Variants in KARS1 observed in about 807,000 individuals in gnomAD.
KARS1 encodes lysyl-tRNA synthetase 1, also known as lysine--tRNA ligase.
In KARS1, 50 loss-of-function variants were observed where a neutral mutation model predicts 63.9. That is an observed-to-expected ratio of 0.78 (90% CI 0.62 to 0.99). The LOEUF (loss-of-function observed/expected upper bound fraction) is 0.99. KARS1 is among the 50% of genes least tolerant of loss of function. The probability of loss-of-function intolerance (pLI) is 0.00; values close to 1 mark genes in which losing one functional copy is unlikely to be tolerated. For synonymous variants in KARS1, 320 were observed against 264.6 expected, an observed-to-expected ratio of 1.21 and a Z score of -2.03; for missense variants, 816 against 754.5, an observed-to-expected ratio of 1.08 and a Z score of -0.95.
chr16:75,644,320 C>T, intron 1 of KARS1: 1 of 1,607,858 alleles, frequency 6.2e-7, no homozygotes, highest in Non-Finnish European at 8.5e-7. Flanking sequence ...TTGTGAGGCG[C>T]TGTGAAAGGA....
intron 1 of KARS1, among the ~76,000 whole-genome samples, chr16:75,643,632 G>A (rs2082248803): frequency 6.6e-6 from 1 of 152,114 alleles, no homozygotes; most frequent in Admixed American, 6.6e-5. Flanking sequence ...GCCTGTCTTG[G>A]CCTCCCAAAG....
intron 3 of KARS1, among the ~76,000 whole-genome samples, chr16:75,638,653 A>G (rs745750813): frequency 2.0e-5 from 3 of 152,258 alleles, no homozygotes; most frequent in Non-Finnish European, 2.9e-5. Context: ...AATGCAGACT[A>G]AGCTATAAGG....
intron 3 of KARS1, among the ~76,000 whole-genome samples, chr16:75,637,420 G>A (rs969997874): frequency 7.2e-5 from 11 of 152,080 alleles, no homozygotes; most frequent in Non-Finnish European, 1.6e-4. Flanking sequence ...CTCACTGGGG[G>A]AGAGCAGCTG....
Position 75,634,091 on chromosome 16 carries a change from T to C in KARS1, c.915+82A>G, listed in dbSNP as rs529170677. The C allele has an allele frequency of 2.9e-4, 427 of 1,462,702 alleles. 1 individual carries two copies. Among genetic ancestry groups the C allele is most frequent in the Admixed American group, 5.5e-4 (33 of 59,514 alleles). The allele number at this position is 1,462,702 out of a possible 1,614,324, so 90.6% of individuals were successfully genotyped here. ...GCTGCTTTACTCTCTCTGTTCCTCT[T>C]ATTTCTGACTATACCCATCTAGCCA... On this transcript the variant is annotated intron_variant, in intron 7 of 13. Transcript: ENST00000302445.
chr16:75,645,621 C>T (rs761130729), intron 1 of KARS1, among the ~76,000 whole-genome samples: 2 of 151,982 alleles, frequency 1.3e-5, no homozygotes, highest in Non-Finnish European at 2.9e-5. Flanking sequence ...TTGAGGCGGA[C>T]GGATCACCTG....
chr16:75,629,475 A>G lies in KARS1; in HGVS notation c.1491T>C (p.Asn497=), dbSNP rs1173843552. 7 of 1,614,064 alleles carry G rather than the reference A, an allele frequency of 4.3e-6. No individual in the cohort carries two copies. The highest frequency in any genetic ancestry group is 5.9e-6 in the Non-Finnish European group (7 of 1,180,024). ...ELFVMKKEIC[N]AYTELNDPMR... ...TGGGATCATTCAGCTCAGTATACGCATTGCATATCTCTTTCTTCATGACAA... is the reference window on the plus strand; with the variant it reads ...TGGGATCATTCAGCTCAGTATACGCGTTGCATATCTCTTTCTTCATGACAA... The change falls in exon 12 of 14, where the codon AAT becomes AAC. Residue 497 remains asparagine (N), a synonymous_variant. Transcript: ENST00000302445.
rs1363276349 is a variant in KARS1 at position 75,636,538 on chromosome 16, T to A, written c.398A>T (p.His133Leu). 7 of 1,606,776 alleles carry A rather than the reference T, an allele frequency of 4.4e-6. No homozygotes were observed. The highest frequency in any genetic ancestry group is 6.0e-6 in the Non-Finnish European group (7 of 1,173,554). The change falls in exon 4 of 14, where the codon CAT (histidine) becomes CTT (leucine). Residue 133 changes from histidine to leucine, a missense_variant. By Grantham distance (99) the His-to-Leu change is moderately conservative. Transcript: ENST00000302445. ...DITLKVAGRI[H>L]AKRASGGKLI... ...CTTTCCCCCAGAAGCTCTTTTGGCATGGATCCTACCTAGAAAAAGAAGAGC... is the reference window on the plus strand; with the variant it reads ...CTTTCCCCCAGAAGCTCTTTTGGCAAGGATCCTACCTAGAAAAAGAAGAGC...
At position 75,647,583 on chromosome 16, in the gene KARS1, G is replaced by C. The variant is rs1597182033; in HGVS notation, c.57C>G (p.Ser19Arg). The C allele has an allele frequency of 6.2e-7, 1 of 1,613,408 alleles. No individual in the cohort carries two copies. Among genetic ancestry groups the C allele is most frequent in the South Asian group, 1.1e-5 (1 of 90,986 alleles). Residue 19 changes from serine (S) to arginine (R), a missense_variant, in exon 1 of 14, where the codon AGC becomes AGG. By Grantham distance (110) the Ser-to-Arg change is moderately radical. Coordinates refer to ENST00000302445, the MANE Select transcript of KARS1 (RefSeq NM_005548.3). ...VKVDGSEPKL[S>R]KNELKRRLKA... ...AGACTCGCAGCGACACTCACTTCTTGCTCAGTTTCGGCTCGCTGCCATCCA... is the reference window on the plus strand; with the variant it reads ...AGACTCGCAGCGACACTCACTTCTTCCTCAGTTTCGGCTCGCTGCCATCCA...
chr16:75,640,266 G>C lies in KARS1; in HGVS notation c.306C>G (p.Asp102Glu). The C allele has an allele frequency of 6.2e-7, 1 of 1,613,164 alleles. No individual in the cohort carries two copies. The highest frequency in any genetic ancestry group is 8.5e-7 in the Non-Finnish European group (1 of 1,179,708). Residue 102 changes from aspartate to glutamate, a missense_variant, in exon 3 of 14, where the codon GAC becomes GAG. Asp to Glu is a conservative substitution (Grantham distance 45). Transcript: ENST00000302445. ...TTTGGATGAAGTCAGTGAGTGAGAT[G>C]TCTACATGGAACTTGTGTGGGTATG... ...EDPYPHKFHV[D>E]ISLTDFIQKY...
intron 1 of KARS1, among the ~76,000 whole-genome samples, chr16:75,644,678 A>C (rs1021179103): frequency 2.0e-4 from 31 of 152,232 alleles, no homozygotes; most frequent in Non-Finnish European, 5.9e-5. Context: ...AAAAACATGC[A>C]TATCTGGGGT....
rs2082157013 is a variant in KARS1 at position 75,635,951 on chromosome 16, C to G, written c.630G>C (p.Leu210Phe). 2 of 1,614,030 alleles carry G rather than the reference C, an allele frequency of 1.2e-6. No individual in the cohort carries two copies. The highest frequency in any genetic ancestry group is 1.3e-5 in the African/African-American group (1 of 74,916). ...CAAAGTGAAGATGAGGTAACATATG[C>G]AAACAGGGAGACAGCAGTGTGATCT... Reference protein sequence around the residue: ...PYEITLLSPCLHMLPHLHFGL... With the variant: ...PYEITLLSPCFHMLPHLHFGL... The change falls in exon 5 of 14, where the codon TTG becomes TTC. Residue 210 changes from leucine (L) to phenylalanine (F), a missense_variant. By Grantham distance (22) the Leu-to-Phe change is conservative. Coordinates refer to ENST00000302445, the MANE Select transcript of KARS1 (RefSeq NM_005548.3).
In KARS1 at chr16:75,647,631, G is replaced by A. The variant is rs749570269; in HGVS notation, c.9C>T (p.Ala3=). The A allele has an allele frequency of 1.8e-5, 29 of 1,613,780 alleles. 1 individual carries two copies. Among genetic ancestry groups the A allele is most frequent in the South Asian group, 1.8e-4 (16 of 91,072 alleles). Residue 3 remains alanine (A), a synonymous_variant, in exon 1 of 14, where the codon GCC becomes GCT. Coordinates refer to ENST00000302445, the MANE Select transcript of KARS1 (RefSeq NM_005548.3). The stretch of plus-strand genomic sequence containing the variant: ...CCACTTTCACCTCGGCCGCCTGCAC[G>A]GCCGCCATCTTCCCGGAGGGCCCGA... MA[A]VQAAEVKVDG... is the part of the protein sequence containing the mutation.
chr16:75,638,889 T>A lies in KARS1; in HGVS notation c.388+1295A>T, dbSNP rs1010160926. ...AACAATTAAAATAAAAAAGATCTGC[T>A]GGGAGCAGCGGCTCATGCCTGTAAT... On this transcript the variant is annotated intron_variant, in intron 3 of 13. Transcript: ENST00000302445. Among the ~76,000 whole-genome samples, 6 of 152,284 alleles carry A rather than the reference T, an allele frequency of 3.9e-5. No individual in the cohort carries two copies. In the South Asian group the frequency reaches 1.0e-3, roughly 26 times the overall value.
intron 1 of KARS1, chr16:75,644,436 C>A (rs1336981927): frequency 1.2e-6 from 2 of 1,604,684 alleles, no homozygotes; most frequent in Non-Finnish European, 1.7e-6. Context: ...CATGGCAGAG[C>A]ACCCTGGAAC....
At chr16:75,645,873 A>G (rs990514892) in intron 1 of KARS1, among the ~76,000 whole-genome samples, 28 of 151,396 alleles carry the variant, frequency 1.8e-4, no homozygotes, top group African/African-American at 6.8e-4. Flanking sequence ...AAAAGTCAGT[A>G]AAGAGGAATT....
At chr16:75,637,900 CAA>C (rs11386229) in intron 3 of KARS1, among the ~76,000 whole-genome samples, 27 of 93,728 alleles carry the variant, frequency 2.9e-4, no homozygotes, top group Non-Finnish European at 4.9e-4. Flanking sequence ...AAAAAGAGAC[CAA>C]AAAAAAAAAA....
chr16:75,644,427 A>T, intron 1 of KARS1: 1 of 1,610,340 alleles, frequency 6.2e-7, no homozygotes, highest in East Asian at 2.2e-5. Context: ...TTGCGTCAAC[A>T]TGGCAGAGCA....
chr16:75,630,412 T>A lies in KARS1; in HGVS notation c.1424+11A>T. ...GGGCTGTTATGCAGCAATAGGTAAC[T>A]GGAATCTTACCATTTAGCCAAAGGG... On this transcript the variant is annotated intron_variant, in intron 11 of 13. Coordinates refer to ENST00000302445, the MANE Select transcript of KARS1 (RefSeq NM_005548.3). 6.5e-7 allele frequency: 1 copy of A among 1,533,408 alleles called. No individual in the cohort carries two copies. The highest frequency in any genetic ancestry group is 9.0e-7 in the Non-Finnish European group (1 of 1,109,502). 95.0% of individuals were successfully genotyped at this position (1,533,408 alleles called of 1,614,324 possible).
In KARS1 at chr16:75,631,220, G is replaced by A. The variant is rs778142378; in HGVS notation, c.1286C>T (p.Ala429Val). 2 of 1,614,072 alleles carry A rather than the reference G, an allele frequency of 1.2e-6. No individual in the cohort carries two copies. The highest frequency in any genetic ancestry group is 2.2e-5 in the South Asian group (2 of 91,060). The change falls in exon 10 of 14, where the codon GCA becomes GTA. Residue 429 changes from alanine (A) to valine (V), a missense_variant. Physicochemically the swap from Ala to Val is moderately conservative, Grantham distance 64 (BLOSUM62 0). Transcript: ENST00000302445. Reference protein sequence around the residue: ...TRKILDDICVAKAVECPPPRT... With the variant: ...TRKILDDICVVKAVECPPPRT... ...AGGTGGAGGGCATTCAACAGCTTTT[G>A]CCACACAGATATCATCAAGAATTTT... is the stretch of plus-strand genomic sequence containing the variant.
Sources: gnomAD v4.1 joint callset for allele counts (sites outside exome capture counted in the v4.1 genomes callset) on GRCh38, gnomAD v4.1.1 for gene constraint, MANE v1.5 for transcripts, NCBI Gene and HGNC (gene_info 2026-07-23, HGNC 2026-07-21) for gene names.